The following LAMA3 variants were observed in gnomAD, a reference collection of about 807,000 sequenced individuals.
LAMA3 encodes laminin subunit alpha 3.
Under a neutral mutation model 402.0 loss-of-function variants are expected in LAMA3, and 281 were observed. The ratio of observed to expected loss-of-function variants is 0.70; its 90% CI spans 0.63 to 0.77. The LOEUF is 0.77. LAMA3 is among the 30% of genes least tolerant of loss of function. LAMA3 has a pLI of 0.00. For missense variants in LAMA3, 3,840 were observed against 4,215.5 expected (o/e 0.91, Z 2.47); for synonymous variants, 1,431 against 1,558.4 (o/e 0.92, Z 1.93).
In LAMA3 at chr18:23,839,721, G is replaced by A; in HGVS notation, c.3192-64G>A. The A allele has an allele frequency of 6.4e-7, 1 of 1,567,778 alleles. No individual in the cohort carries two copies. The highest frequency in any genetic ancestry group is 1.4e-5 in the African/African-American group (1 of 74,034). ...TATGCTCCAAGTCTGTCTCTTCACT[G>A]ATGGTCAGTTCTGTAGCTTTGGGTT... On this transcript the variant is annotated intron_variant, in intron 26 of 74. Transcript: ENST00000313654. This position sits in a 1 kb window ranked among gnomAD's most constrained non-coding sequence, Gnocchi z 4.5.
At chr18:23,695,763 C>G (rs2060672225) in intron 1 of LAMA3, among the ~76,000 whole-genome samples, 1 of 120,288 alleles carries the variant, frequency 8.3e-6, no homozygotes, top group Non-Finnish European at 1.6e-5. Context: ...CACCACTGCA[C>G]TCCAGCCTGG....
At chr18:23,856,867 C>T (rs905196990) in intron 32 of LAMA3, among the ~76,000 whole-genome samples, 7 of 152,192 alleles carry the variant, frequency 4.6e-5, no homozygotes, top group Non-Finnish European at 1.0e-4. Flanking sequence ...CCCTCCTCCC[C>T]ATCTGGATAC....
chr18:23,815,804 A>C (rs576605398), intron 17 of LAMA3, among the ~76,000 whole-genome samples: 1 of 152,362 alleles, frequency 6.6e-6, no homozygotes, highest in Admixed American at 6.5e-5. Context: ...AATGATAAGA[A>C]ACATAACTGG....
At chr18:23,842,252 G>A (rs1366934310) in intron 27 of LAMA3, 143 bp from the exon 28 acceptor site, 3 of 997,010 alleles carry the variant, frequency 3.0e-6, no homozygotes, top group Admixed American at 2.0e-5. Context: ...AAGGCTTCTG[G>A]GTGAAGATGG....
In LAMA3 at chr18:23,884,802, G is replaced by A; in HGVS notation, c.5252G>A (p.Gly1751Glu). The A allele has an allele frequency of 2.5e-6, 4 of 1,613,956 alleles. No homozygotes were observed. Among genetic ancestry groups the A allele is most frequent in the Non-Finnish European group, 2.5e-6 (3 of 1,179,944 alleles). ...GCCACTGGCTGTGTGGTGAATGGGG[G>A]AGACGTGCGGTGCTCCTGCAAAGCT... ...SFATGCVVNG[G>E]DVRCSCKAGY... The change falls in exon 41 of 75, where the codon GGA becomes GAA. Residue 1751 changes from glycine (G) to glutamate (E), a missense_variant. Gly to Glu is a moderately conservative substitution (Grantham distance 98). Coordinates refer to ENST00000313654, the MANE Select transcript of LAMA3 (RefSeq NM_198129.4).
intron 35 of LAMA3, among the ~76,000 whole-genome samples, chr18:23,863,311 G>A (rs969142715): frequency 1.3e-5 from 2 of 152,188 alleles, no homozygotes; most frequent in Admixed American, 6.5e-5. Flanking sequence ...TGGGCATGGC[G>A]GCAGGCGCCT....
chr18:23,797,203 T>C (rs1351316086), intron 12 of LAMA3, among the ~76,000 whole-genome samples: 2 of 152,318 alleles, frequency 1.3e-5, no homozygotes, highest in South Asian at 4.1e-4. Context: ...TGGTAAGAGT[T>C]TGGGAGGATG....
In LAMA3 at chr18:23,954,774, A is replaced by G. The variant is rs546219784; in HGVS notation, c.*126A>G. ...ACCAGACAGGTTTAATAGCGAATCT[A>G]ATTTTGAATTCTGACCATGGATACC... On this transcript the variant is annotated 3_prime_UTR_variant, in exon 75 of 75. Transcript: ENST00000313654. 1.9e-4 allele frequency: 188 copies of G among 1,012,964 alleles called. 2 individuals are homozygous for G. The highest frequency in any genetic ancestry group is 9.4e-4 in the South Asian group (72 of 76,560). 62.7% of individuals were successfully genotyped at this position (1,012,964 alleles called of 1,614,324 possible).
At chr18:23,950,241 G>T (rs1188686109) in intron 72 of LAMA3, 82 bp downstream of exon 72, 6 of 1,496,688 alleles carry the variant, frequency 4.0e-6, no homozygotes, top group Admixed American at 1.7e-5. Flanking sequence ...CAGGTTTGTA[G>T]TAGAGAATGG....
intron 12 of LAMA3, among the ~76,000 whole-genome samples, chr18:23,785,351 A>T (rs902849758): frequency 6.6e-6 from 1 of 152,200 alleles, no homozygotes; most frequent in African/African-American, 2.4e-5. Flanking sequence ...AAGGTCAGCC[A>T]CACTAAGGAA....
chr18:23,764,310 A>T (rs2143758153), intron 8 of LAMA3, among the ~76,000 whole-genome samples: 1 of 152,282 alleles, frequency 6.6e-6, no homozygotes, highest in East Asian at 1.9e-4. Context: ...AATATAAAAT[A>T]GGTTTGTTAC....
chr18:23,692,877 GA>G (rs2060618956), intron 1 of LAMA3, among the ~76,000 whole-genome samples: 1 of 151,834 alleles, frequency 6.6e-6, no homozygotes, highest in African/African-American at 2.4e-5. Flanking sequence ...AGTTTGAATT[GA>G]TACTAGCTTA....
rs756235025 is a variant in LAMA3 at position 23,931,181 on chromosome 18, T to C, written c.8556T>C (p.Ser2852=). Reference sequence around the variant, plus strand: ...TGGATGGTTTACTGCATTATGTATCTGTAATAAGCGACAACTCTGGGTGAG... The same window carrying C: ...TGGATGGTTTACTGCATTATGTATCCGTAATAAGCGACAACTCTGGGTGAG... ...TYMDGLLHYV[S]VISDNSGLRL... Residue 2852 remains serine (S), a synonymous_variant, in exon 65 of 75, where the codon TCT becomes TCC. Transcript: ENST00000313654. 3 of 1,612,862 alleles carry C rather than the reference T, an allele frequency of 1.9e-6. No homozygotes were observed. The highest frequency in any genetic ancestry group is 1.7e-5 in the Admixed American group (1 of 60,006).
chr18:23,733,344 C>A (rs957654679), intron 2 of LAMA3, among the ~76,000 whole-genome samples: 3 of 152,206 alleles, frequency 2.0e-5, no homozygotes, highest in African/African-American at 7.2e-5. Context: ...AATGGACTCA[C>A]AGTTCCACAT....
intron 21 of LAMA3, 81 bp downstream of exon 21, chr18:23,824,646 A>G: frequency 6.9e-7 from 1 of 1,455,456 alleles, no homozygotes; most frequent in Non-Finnish European, 9.6e-7. Flanking sequence ...TACAATCCAC[A>G]GCGACCATAA....
intron 30 of LAMA3, among the ~76,000 whole-genome samples, chr18:23,846,072 C>T (rs1006227855): frequency 1.3e-5 from 2 of 152,056 alleles, no homozygotes; most frequent in Non-Finnish European, 2.9e-5. Flanking sequence ...GCAAGGTTCC[C>T]GCTGACCTGT....
chr18:23,851,883 A>G (rs1439240280), intron 32 of LAMA3, among the ~76,000 whole-genome samples: 2 of 152,166 alleles, frequency 1.3e-5, no homozygotes, highest in African/African-American at 4.8e-5. Flanking sequence ...TTAACTCCTG[A>G]ATTCTACAAT....
At chr18:23,898,496 C>T (rs762600753) in intron 44 of LAMA3, 13 of 539,852 alleles carry the variant, frequency 2.4e-5, no homozygotes, top group Admixed American at 6.6e-5. Context: ...GTCATTAATT[C>T]AAGTGAAGTA....
chr18:23,808,101 T>C (rs1347621699), intron 12 of LAMA3, among the ~76,000 whole-genome samples: 1 of 152,110 alleles, frequency 6.6e-6, no homozygotes, highest in Non-Finnish European at 1.5e-5. Context: ...CATTCTCTAG[T>C]CTTTGTTCTG....
Sources: gnomAD v4.1 joint callset for allele counts (sites outside exome capture counted in the v4.1 genomes callset) on GRCh38, gnomAD v4.1.1 for gene constraint, Gnocchi (gnomAD v3.1) non-coding constraint, MANE v1.5 for transcripts, NCBI Gene and HGNC (gene_info 2026-07-23, HGNC 2026-07-21) for gene names.